The following PDE1C variants were observed in gnomAD, a reference collection of about 807,000 sequenced individuals.
The protein encoded by PDE1C is dual specificity calcium/calmodulin-dependent 3',5'-cyclic nucleotide phosphodiesterase 1C.
In PDE1C, 62 loss-of-function variants were observed where a neutral mutation model predicts 93.1. The observed-to-expected ratio is 0.67, with a 90% CI of 0.54 to 0.82. PDE1C has a LOEUF of 0.82. Ranked by LOEUF, PDE1C falls within the 40% of genes least tolerant of loss-of-function variation. The pLI, the probability that PDE1C is intolerant of heterozygous loss-of-function variation, is 0.00. For synonymous variants in PDE1C, 325 were observed against 310.1 expected (o/e 1.05, Z -0.50); for missense variants, 742 against 884.6 (o/e 0.84, Z 2.04).
chr7:32,092,030 A>C (rs1487833608), intron 3 of PDE1C, among the ~76,000 whole-genome samples: 2 of 152,212 alleles, frequency 1.3e-5, no homozygotes, highest in Non-Finnish European at 2.9e-5. Context: ...AAGGAACAAA[A>C]CCAACATATG....
rs140702093 is a variant in PDE1C, at chr7:31,849,739, T to C, written c.851+902A>G. 3.7e-3 allele frequency among the ~76,000 whole-genome samples: 558 copies of C among 152,202 alleles called. 2 individuals are homozygous for C. The highest frequency in any genetic ancestry group is 0.013 in the African/African-American group (523 of 41,548). On this transcript the variant is annotated intron_variant, in intron 8 of 17. Transcript: ENST00000396191. ...CTCTTTGACTTACCACCTTTCCCCA[T>C]ACCCTAGCTCCTTTTGATTACTATG...
At chr7:31,930,665 C>A (rs146624169) in intron 2 of PDE1C, among the ~76,000 whole-genome samples, 9,709 of 151,452 alleles carry the variant, frequency 0.064, 522 homozygotes, top group African/African-American at 0.15. Flanking sequence ...ACAGTGAAAC[C>A]TCATCTCTAC....
chr7:32,281,237 G>C (rs968945366), intron 1 of PDE1C, among the ~76,000 whole-genome samples: 1 of 152,070 alleles, frequency 6.6e-6, no homozygotes, highest in African/African-American at 2.4e-5. Context: ...GTTCAATGTA[G>C]AAGTTTTTCT....
chr7:32,232,797 A>C (rs923559563), intron 1 of PDE1C, among the ~76,000 whole-genome samples: 5 of 152,222 alleles, frequency 3.3e-5, no homozygotes, highest in Admixed American at 3.3e-4. Context: ...TACTTGGGAC[A>C]GATCTGAGTA....
At chr7:32,239,943 T>C (rs905451681) in intron 1 of PDE1C, among the ~76,000 whole-genome samples, 1 of 152,230 alleles carries the variant, frequency 6.6e-6, no homozygotes, top group Non-Finnish European at 1.5e-5. Flanking sequence ...CAATTCAGCA[T>C]CTCTCTTTCC....
In PDE1C at chr7:31,824,946, T is replaced by C; in HGVS notation, c.1327A>G (p.Thr443Ala). ...FIVEPTFTVL[T>A]DMTEKIVSPL... is the part of the protein sequence containing the mutation. ...CTCACAATCTTCTCGGTCATGTCCGTAAGCACAGTGAAGGTGGGTTCCACG... is the reference window on the plus strand; with the variant it reads ...CTCACAATCTTCTCGGTCATGTCCGCAAGCACAGTGAAGGTGGGTTCCACG... The change falls in exon 13 of 18, where the codon ACG becomes GCG. Residue 443 changes from threonine (T) to alanine (A), a missense_variant. Physicochemically the swap from Thr to Ala is moderately conservative, Grantham distance 58. Coordinates refer to ENST00000396191, the MANE Select transcript of PDE1C (RefSeq NM_001191057.4). The C allele has an allele frequency of 6.2e-7, 1 of 1,613,396 alleles. No homozygotes were observed. The highest frequency in any genetic ancestry group is 1.3e-5 in the African/African-American group (1 of 74,972).
intron 2 of PDE1C, among the ~76,000 whole-genome samples, chr7:31,966,470 T>C (rs1322746469): frequency 4.6e-5 from 7 of 152,020 alleles, no homozygotes; most frequent in Non-Finnish European, 1.0e-4. Flanking sequence ...AAGTCCTTAG[T>C]GACCTACAAA....
At chr7:31,861,493 T>C (rs1794695027) in intron 7 of PDE1C, among the ~76,000 whole-genome samples, 1 of 152,050 alleles carries the variant, frequency 6.6e-6, no homozygotes, top group African/African-American at 2.4e-5. Context: ...TAAATGGATG[T>C]CTACTACGGA....
intron 1 of PDE1C, among the ~76,000 whole-genome samples, chr7:32,271,480 G>A (rs1397067631): frequency 6.6e-6 from 1 of 152,132 alleles, no homozygotes; most frequent in Non-Finnish European, 1.5e-5. Flanking sequence ...TTTAACCCAG[G>A]AACACGATCA....
chr7:31,874,256 A>G lies in PDE1C; in HGVS notation c.493-848T>C, dbSNP rs535378317. On this transcript the variant is annotated intron_variant, in intron 5 of 17. Coordinates refer to ENST00000396191, the MANE Select transcript of PDE1C (RefSeq NM_001191057.4). ...TAGCTACTCCAAAATATATGTAAATACAGTCTGTTGAGCTTTGGCTTATCA... is the reference window on the plus strand; with the variant it reads ...TAGCTACTCCAAAATATATGTAAATGCAGTCTGTTGAGCTTTGGCTTATCA... Among the ~76,000 whole-genome samples, 7 of 152,354 alleles carry G rather than the reference A, an allele frequency of 4.6e-5. No individual in the cohort carries two copies. In the South Asian group the frequency reaches 1.4e-3, roughly 32 times the overall value.
chr7:32,137,461 C>A (rs573702679), intron 3 of PDE1C, among the ~76,000 whole-genome samples: 1 of 152,254 alleles, frequency 6.6e-6, no homozygotes, highest in East Asian at 1.9e-4. Context: ...AATGTGGAGG[C>A]TGCCTGGGAA....
intron 3 of PDE1C, among the ~76,000 whole-genome samples, chr7:32,085,179 G>A (rs549296243): frequency 4.6e-5 from 7 of 151,468 alleles, no homozygotes; most frequent in South Asian, 4.2e-4. Flanking sequence ...ATATCACCAC[G>A]GATCCCACAG....
chr7:31,690,000 A>G, the PDE1C span, among the ~76,000 whole-genome samples: 1 of 152,180 alleles, frequency 6.6e-6, no homozygotes, highest in African/African-American at 2.4e-5. Flanking sequence ...TGGAGGAAGC[A>G]TGTGTCAGTT....
At chr7:32,255,248 C>T (rs949625828) in intron 1 of PDE1C, among the ~76,000 whole-genome samples, 1 of 152,138 alleles carries the variant, frequency 6.6e-6, no homozygotes, top group Non-Finnish European at 1.5e-5. Flanking sequence ...AGATAAACCG[C>T]CTGGATTTAT....
intron 1 of PDE1C, among the ~76,000 whole-genome samples, chr7:32,376,177 A>C (rs937026790): frequency 1.3e-5 from 2 of 152,036 alleles, no homozygotes; most frequent in Non-Finnish European, 1.5e-5. Flanking sequence ...AGAAAGAAAG[A>C]AAGAAAAATT....
chr7:31,981,626 G>T (rs2129060067), intron 2 of PDE1C, among the ~76,000 whole-genome samples: 1 of 152,222 alleles, frequency 6.6e-6, no homozygotes, highest in Admixed American at 6.5e-5. Context: ...TCTTGTCACT[G>T]CTTTAGCTTT....
intron 1 of PDE1C, among the ~76,000 whole-genome samples, chr7:32,312,940 A>T (rs1304028560): frequency 6.6e-6 from 1 of 152,226 alleles, no homozygotes; most frequent in African/African-American, 2.4e-5. Flanking sequence ...TGCACAGTAA[A>T]AGAAACTTCT....
chr7:32,166,833 TTTTA>T (rs1802312327), intron 3 of PDE1C, among the ~76,000 whole-genome samples: 1 of 152,114 alleles, frequency 6.6e-6, no homozygotes, highest in South Asian at 2.1e-4. Flanking sequence ...CAAGCATGCT[TTTTA>T]TGTGAGTTTA....
intron 2 of PDE1C, among the ~76,000 whole-genome samples, chr7:31,883,969 C>A (rs190612350): frequency 2.0e-4 from 30 of 152,294 alleles, no homozygotes; most frequent in Non-Finnish European, 1.5e-5. Flanking sequence ...GAAAGCAAAA[C>A]CCTAGCCAAG....
Sources: gnomAD v4.1 joint callset for allele counts (sites outside exome capture counted in the v4.1 genomes callset) on GRCh38, gnomAD v4.1.1 for gene constraint, MANE v1.5 for transcripts, NCBI Gene and HGNC (gene_info 2026-07-23, HGNC 2026-07-21) for gene names.